SPTBN1: variants seen among roughly 807,000 people sequenced by gnomAD.
The protein encoded by SPTBN1 is spectrin beta chain, non-erythrocytic 1.
Under a neutral mutation model 266.4 loss-of-function variants are expected in SPTBN1, and 32 were observed. That is an observed-to-expected ratio of 0.12 (90% CI 0.09 to 0.16). The LOEUF (loss-of-function observed/expected upper bound fraction) is 0.16, where lower values mean the gene tolerates loss of function less well. SPTBN1 is among the 10% of genes least tolerant of loss of function. SPTBN1 has a pLI of 1.00. For missense variants in SPTBN1, 2,296 were observed against 3,067.1 expected (o/e 0.75, Z 5.94); for synonymous variants, 1,336 against 1,162.2 (o/e 1.15, Z -3.04).
chr2:54,632,636 A>G lies in SPTBN1; in HGVS notation c.3635A>G (p.Glu1212Gly), dbSNP rs773400101. The stretch of plus-strand genomic sequence containing the variant: ...GCTGAAGCAGCAATTAAAAAGCAAG[A>G]GGACTTCATGACCACCATGGACGCC... ...EGAEAAIKKQEDFMTTMDANE... is the reference protein window; with the variant it reads ...EGAEAAIKKQGDFMTTMDANE... The change falls in exon 17 of 36, where the codon GAG becomes GGG. Residue 1212 changes from glutamate (E) to glycine (G), a missense_variant. By Grantham distance (98) the Glu-to-Gly change is moderately conservative. Coordinates refer to ENST00000356805, the MANE Select transcript of SPTBN1 (RefSeq NM_003128.3). 1.2e-6 allele frequency: 2 copies of G among 1,614,230 alleles called. No homozygotes were observed. Among genetic ancestry groups the G allele is most frequent in the South Asian group, 2.2e-5 (2 of 91,082 alleles).
intron 1 of SPTBN1, among the ~76,000 whole-genome samples, chr2:54,485,757 C>T (rs1203743555): frequency 2.0e-5 from 3 of 151,588 alleles, no homozygotes; most frequent in African/African-American, 7.3e-5. Context: ...AGCGCCTCTT[C>T]CCGGCCGCCA....
In SPTBN1 at chr2:54,629,272, A is replaced by G; in HGVS notation, c.2138A>G (p.Glu713Gly). ...DMIAEEHFGS[E>G]KIRERIIYIR... ...ATCGCGGAGGAGCACTTCGGGTCGG[A>G]GAAGATCCGTGAGAGGATCATTTAC... The change falls in exon 14 of 36, where the codon GAG (glutamate) becomes GGG (glycine). Residue 713 changes from glutamate (E) to glycine (G), a missense_variant. Physicochemically the swap from Glu to Gly is moderately conservative, Grantham distance 98 (BLOSUM62 -2). This residue lies in a region of SPTBN1 where 434 missense variants were observed against 573.9 expected (regional missense o/e 0.76). Coordinates refer to ENST00000356805, the MANE Select transcript of SPTBN1 (RefSeq NM_003128.3). 1 of 1,614,058 alleles carries G rather than the reference A, an allele frequency of 6.2e-7. No individual in the cohort carries two copies.
At chr2:54,527,222 T>G (rs1670869963) in intron 2 of SPTBN1, 1 of 152,254 alleles carries the variant, frequency 6.6e-6, no homozygotes, top group African/African-American at 2.4e-5. Flanking sequence ...AAAACTCAGC[T>G]GTACTGAATA....
chr2:54,646,077 T>G lies in SPTBN1; in HGVS notation c.4584+60T>G. On this transcript the variant is annotated intron_variant, in intron 22 of 35. Coordinates refer to ENST00000356805, the MANE Select transcript of SPTBN1 (RefSeq NM_003128.3). The surrounding 1 kb of genome is among the most constrained non-coding windows in gnomAD (Gnocchi z 4.4). ...AAATAATTGCTCTAAATTATGAGAC[T>G]GGGAATGGCAGAGAGCTTTGAAGCC... The G allele has an allele frequency of 6.2e-7, 1 of 1,611,854 alleles. No individual in the cohort carries two copies. The highest frequency in any genetic ancestry group is 8.5e-7 in the Non-Finnish European group (1 of 1,178,306).
At chr2:54,549,188 C>CT (rs1182493532) in intron 2 of SPTBN1, among the ~76,000 whole-genome samples, 1 of 150,630 alleles carries the variant, frequency 6.6e-6, no homozygotes, top group Admixed American at 6.7e-5. Context: ...ACTCGGAAAG[C>CT]TGAGGCAAGA....
rs941252180 is a variant in SPTBN1 at position 54,533,107 on chromosome 2, A to G, written c.148+6541A>G. Among the ~76,000 whole-genome samples, 5 of 152,184 alleles carry G rather than the reference A, an allele frequency of 3.3e-5. No homozygotes were observed. Among genetic ancestry groups the G allele is most frequent in the Non-Finnish European group, 5.9e-5 (4 of 68,026 alleles). ...TACCTGACAGTTAATCTGATAATCA[A>G]GACGGCTGCTAAGTGACTAACAGGG... On this transcript the variant is annotated intron_variant, in intron 2 of 35. Coordinates refer to ENST00000356805, the MANE Select transcript of SPTBN1 (RefSeq NM_003128.3). The surrounding 1 kb of genome is among the most constrained non-coding windows in gnomAD (Gnocchi z 4.2).
chr2:54,595,443 T>A (rs561863220), intron 2 of SPTBN1, among the ~76,000 whole-genome samples: 1 of 152,290 alleles, frequency 6.6e-6, no homozygotes, highest in Admixed American at 6.5e-5. Context: ...TGCGTCAGCT[T>A]CTTGGGGAGG....
At chr2:54,465,828 A>T (rs1278371365) in intron 1 of SPTBN1, among the ~76,000 whole-genome samples, 1 of 151,924 alleles carries the variant, frequency 6.6e-6, no homozygotes, top group Non-Finnish European at 1.5e-5. Flanking sequence ...AGTGGAGGAA[A>T]TGTTTGGGAG....
intron 2 of SPTBN1, among the ~76,000 whole-genome samples, chr2:54,555,591 A>G (rs563205256): frequency 1.9e-4 from 29 of 152,182 alleles, no homozygotes; most frequent in South Asian, 1.2e-3. Flanking sequence ...CCATTCTTAC[A>G]TACCACTTCC....
intron 23 of SPTBN1, 50 bp from the exon 24 acceptor site, chr2:54,647,081 G>A (rs1558466311): frequency 1.2e-6 from 2 of 1,613,088 alleles, no homozygotes. Flanking sequence ...TCCTTAAGGG[G>A]TAGGGCCAGA....
rs776219240 is a variant in SPTBN1 at position 54,623,545 on chromosome 2, C to T, written c.1131C>T (p.Asn377=). The stretch of plus-strand genomic sequence containing the variant: ...TTCAGAGCAAGATGAGGGCCAACAA[C>T]CAGAAGGTCTACATGCCCCGGGAGG... ...FTIQSKMRAN[N]QKVYMPREGK... The change falls in exon 10 of 36, where the codon AAC becomes AAT. Residue 377 remains asparagine (N), a synonymous_variant. Transcript: ENST00000356805. 5.6e-6 allele frequency: 9 copies of T among 1,614,038 alleles called. 2 individuals carry two copies. The Admixed American group carries it at 1.5e-4, about 27-fold the overall frequency.
chr2:54,495,679 T>TTTTTGTTTTTTTTTTTTTTATTATACTC (rs1279259203), intron 1 of SPTBN1, among the ~76,000 whole-genome samples: 1 of 142,990 alleles, frequency 7.0e-6, no homozygotes, highest in Non-Finnish European at 1.5e-5. Context: ...GCATGTGTTT[T>TTTTTGTTTTTTTTTTTTTTATTATACTC]TACCTTTATT....
intron 2 of SPTBN1, among the ~76,000 whole-genome samples, chr2:54,559,698 A>T (rs1457847909): frequency 6.6e-6 from 1 of 152,188 alleles, no homozygotes; most frequent in Admixed American, 6.5e-5. Context: ...TATACATGAA[A>T]AAAGGTTCCT....
chr2:54,602,878 G>T (rs760496928), intron 3 of SPTBN1, among the ~76,000 whole-genome samples: 17 of 152,210 alleles, frequency 1.1e-4, no homozygotes, highest in Non-Finnish European at 2.4e-4. Flanking sequence ...TTGTTTAAGA[G>T]AACCATACTG....
intron 1 of SPTBN1, among the ~76,000 whole-genome samples, chr2:54,469,115 T>C (rs756511302): frequency 1.3e-5 from 2 of 152,244 alleles, no homozygotes; most frequent in East Asian, 3.8e-4. Context: ...GCCAGTTCTT[T>C]AAGCCTTTAG....
At chr2:54,535,251 C>T (rs1671532790) in intron 2 of SPTBN1, 1 of 152,228 alleles carries the variant, frequency 6.6e-6, no homozygotes, top group Admixed American at 6.5e-5. Flanking sequence ...TATTGCAGTA[C>T]AATTTACATA....
intron 1 of SPTBN1, among the ~76,000 whole-genome samples, chr2:54,495,543 C>T (rs1369932284): frequency 1.3e-5 from 2 of 152,152 alleles, no homozygotes; most frequent in Non-Finnish European, 2.9e-5. Context: ...GGAAAATACA[C>T]TTAAGAAAAA....
intron 2 of SPTBN1, among the ~76,000 whole-genome samples, chr2:54,593,822 A>ATTTTTTT (rs1675848999): frequency 2.9e-5 from 2 of 69,920 alleles, no homozygotes; most frequent in Non-Finnish European, 6.4e-5. Context: ...TCATGGAAAC[A>ATTTTTTT]CTTTTTTTTT....
At chr2:54,572,542 G>A (rs1277896613) in intron 2 of SPTBN1, among the ~76,000 whole-genome samples, 2 of 152,182 alleles carry the variant, frequency 1.3e-5, no homozygotes, top group East Asian at 3.9e-4. Context: ...GCACACGAAT[G>A]TGCAAACTTG....
Sources: allele counts gnomAD v4.1 joint callset (sites outside exome capture counted in the v4.1 genomes callset), GRCh38; gene constraint gnomAD v4.1.1; regional missense constraint gnomAD v4.1.1; non-coding constraint Gnocchi (gnomAD v3.1); transcripts MANE v1.5; gene names NCBI Gene and HGNC (gene_info 2026-07-23, HGNC 2026-07-21).